Variants in FRRS1 observed in about 807,000 individuals in gnomAD.
The protein encoded by FRRS1 is ferric reductase 1.
FRRS1 carries 51 observed loss-of-function variants against 70.7 expected under a neutral mutation model. The observed-to-expected ratio is 0.72, with a 90% confidence interval of 0.58 to 0.91. The LOEUF (loss-of-function observed/expected upper bound fraction) is 0.91. FRRS1 is among the 40% of genes least tolerant of loss of function. The pLI, the probability that FRRS1 is intolerant of heterozygous loss-of-function variation, is 0.00. For missense variants in FRRS1, 672 were observed against 726.0 expected (o/e 0.93, Z 0.86); for synonymous variants, 225 against 238.7 (o/e 0.94, Z 0.53).
chr1:99,763,225 T>G (rs1050948529), intron 1 of FRRS1, among the ~76,000 whole-genome samples: 6 of 152,316 alleles, frequency 3.9e-5, no homozygotes, highest in Non-Finnish European at 8.8e-5. Context: ...CTTTTTCTCC[T>G]GAAGTTTTGC....
intron 1 of FRRS1, among the ~76,000 whole-genome samples, chr1:99,762,912 T>C (rs2101008752): frequency 6.6e-6 from 1 of 152,314 alleles, no homozygotes; most frequent in East Asian, 1.9e-4. Context: ...AGTGTTTTCC[T>C]TTCTGCCACC....
chr1:99,758,949 T>C (rs944751758), intron 1 of FRRS1, among the ~76,000 whole-genome samples: 3 of 152,086 alleles, frequency 2.0e-5, no homozygotes, highest in Non-Finnish European at 4.4e-5. Context: ...TCAGAATTAC[T>C]AGGTTGGGGC....
intron 7 of FRRS1, among the ~76,000 whole-genome samples, chr1:99,737,128 C>T (rs1368396236): frequency 6.6e-6 from 1 of 152,134 alleles, no homozygotes; most frequent in African/African-American, 2.4e-5. Flanking sequence ...GACTTATACA[C>T]GTCCTGGCCA....
chr1:99,710,884 C>T lies in FRRS1; in HGVS notation c.1546G>A (p.Ala516Thr), dbSNP rs760214735. 6.2e-7 allele frequency: 1 copy of T among 1,613,930 alleles called. No individual in the cohort carries two copies. Among genetic ancestry groups the T allele is most frequent in the Non-Finnish European group, 8.5e-7 (1 of 1,179,874 alleles). ...LNLPDSWKTYAMTGFVAWHVG... is the reference protein window; with the variant it reads ...LNLPDSWKTYTMTGFVAWHVG... ...TGCCAGGCTACGAATCCGGTCATTGCATAGGTTTTCCATGAATCAGGAAGA... is the reference window on the plus strand; with the variant it reads ...TGCCAGGCTACGAATCCGGTCATTGTATAGGTTTTCCATGAATCAGGAAGA... Residue 516 changes from alanine (A) to threonine (T), a missense_variant, in exon 15 of 17, where the codon GCA becomes ACA. Transcript: ENST00000646001.
intron 1 of FRRS1, among the ~76,000 whole-genome samples, chr1:99,753,639 G>C (rs188428392): frequency 3.9e-4 from 60 of 152,100 alleles, no homozygotes; most frequent in African/African-American, 1.4e-3. Flanking sequence ...GGCATTGCGG[G>C]TGGGCACCTG....
At position 99,709,374 on chromosome 1, in the gene FRRS1, A is replaced by G. The variant is rs560362091; in HGVS notation, c.1625-115T>C. The G allele has an allele frequency of 4.1e-5, 28 of 677,496 alleles. No individual in the cohort carries two copies. The South Asian group carries it at 4.7e-4, about 11-fold the overall frequency. 42.0% of individuals were successfully genotyped at this position (677,496 alleles called of 1,614,324 possible). A position where few individuals can be genotyped will look rare whatever the true frequency, so the allele number is the denominator to read the frequency against. Reference sequence around the variant, plus strand: ...CAATTTCCAGGGTAGAAATTCTCCCACTCCAAACTACTAATTATTGCAGAC... The same window carrying G: ...CAATTTCCAGGGTAGAAATTCTCCCGCTCCAAACTACTAATTATTGCAGAC... On this transcript the variant is annotated intron_variant, in intron 15 of 16. Coordinates refer to ENST00000646001, the MANE Select transcript of FRRS1 (RefSeq NM_001361041.2).
At chr1:99,742,529 G>A (rs1171105585) in intron 4 of FRRS1, among the ~76,000 whole-genome samples, 3 of 152,146 alleles carry the variant, frequency 2.0e-5, no homozygotes, top group South Asian at 2.1e-4. Flanking sequence ...CACTGGGTAC[G>A]TTAACACTAG....
chr1:99,749,185 G>A (rs985234882), intron 1 of FRRS1, among the ~76,000 whole-genome samples, 184 bp from the exon 2 acceptor site: 9 of 152,066 alleles, frequency 5.9e-5, no homozygotes, highest in South Asian at 2.1e-4. Context: ...ACAGGCATGC[G>A]CCACCACACC....
In FRRS1 at chr1:99,738,240, T is replaced by G. The variant is rs749333600; in HGVS notation, c.605A>C (p.Lys202Thr). 6.2e-7 allele frequency: 1 copy of G among 1,606,418 alleles called. No homozygotes were observed. Among genetic ancestry groups the G allele is most frequent in the Admixed American group, 1.7e-5 (1 of 58,170 alleles). ...PFSASDCGNK[K>T]FCIRSPLNCD... ...GTTCAAAGGACTCCTAATACAGAAC[T>G]TCTTGTTCCCACAATCTGAGGCACT... Residue 202 changes from lysine to threonine, a missense_variant, in exon 7 of 17, where the codon AAG (lysine) becomes ACG (threonine). Physicochemically the swap from Lys to Thr is moderately conservative, Grantham distance 78. Transcript: ENST00000646001.
At chr1:99,747,024 G>C (rs1192816889) in intron 4 of FRRS1, among the ~76,000 whole-genome samples, 2 of 151,990 alleles carry the variant, frequency 1.3e-5, no homozygotes, top group African/African-American at 4.8e-5. Context: ...TCTATTTAAT[G>C]AATAGTAAAT....
At chr1:99,710,397 A>C (rs979332709) in intron 15 of FRRS1, among the ~76,000 whole-genome samples, 3 of 152,126 alleles carry the variant, frequency 2.0e-5, no homozygotes, top group Non-Finnish European at 4.4e-5. Flanking sequence ...GACAACCTAA[A>C]TGATAGCACC....
At chr1:99,709,379 A>G (rs900513634) in intron 15 of FRRS1, 120 bp from the exon 16 acceptor site, 4 of 675,878 alleles carry the variant, frequency 5.9e-6, no homozygotes, top group Admixed American at 5.4e-5. Context: ...CTCCCACTCC[A>G]AACTACTAAT....
chr1:99,739,326 G>C (rs936415332), intron 6 of FRRS1, among the ~76,000 whole-genome samples: 2 of 152,194 alleles, frequency 1.3e-5, no homozygotes, highest in African/African-American at 4.8e-5. Flanking sequence ...AAGAGCCTTT[G>C]ATTGAATATA....
chr1:99,761,479 T>A (rs1657110423), intron 1 of FRRS1, among the ~76,000 whole-genome samples: 1 of 152,178 alleles, frequency 6.6e-6, no homozygotes, highest in Admixed American at 6.5e-5. Context: ...GAAACAAATA[T>A]CTTATTACAT....
At chr1:99,761,165 C>G (rs901361437) in intron 1 of FRRS1, among the ~76,000 whole-genome samples, 8 of 152,010 alleles carry the variant, frequency 5.3e-5, no homozygotes, top group Admixed American at 2.0e-4. Context: ...CTCACTCTGG[C>G]GCCCAGGATG....
intron 4 of FRRS1, among the ~76,000 whole-genome samples, chr1:99,743,284 A>C (rs1034443963): frequency 6.6e-6 from 1 of 151,882 alleles, no homozygotes; most frequent in Admixed American, 6.6e-5. Context: ...AAAGAACCCC[A>C]AAAAAAACTG....
intron 9 of FRRS1, among the ~76,000 whole-genome samples, chr1:99,723,408 T>G (rs1256761493): frequency 6.6e-6 from 1 of 152,010 alleles, no homozygotes; most frequent in Non-Finnish European, 1.5e-5. Context: ...TCCCAGCTAC[T>G]AGGGAGGCAG....
At chr1:99,764,337 A>C (rs1439935746) in intron 1 of FRRS1, among the ~76,000 whole-genome samples, 2 of 152,208 alleles carry the variant, frequency 1.3e-5, no homozygotes, top group Non-Finnish European at 2.9e-5. Context: ...ATGTGTTTTC[A>C]GGATGGGAAG....
intron 1 of FRRS1, among the ~76,000 whole-genome samples, chr1:99,753,663 T>A (rs1374756684): frequency 6.6e-6 from 1 of 151,926 alleles, no homozygotes. Flanking sequence ...TTCCAACTAC[T>A]CAGGAGGCTG....
Sources: gnomAD v4.1 joint callset for allele counts (sites outside exome capture counted in the v4.1 genomes callset) on GRCh38, gnomAD v4.1.1 for gene constraint, MANE v1.5 for transcripts, NCBI Gene and HGNC (gene_info 2026-07-23, HGNC 2026-07-21) for gene names.